Variants in FAM120B observed in about 807,000 individuals in gnomAD.
FAM120B encodes constitutive coactivator of peroxisome proliferator-activated receptor gamma.
Under a neutral mutation model 96.3 loss-of-function variants are expected in FAM120B, and 83 were observed. That is an observed-to-expected ratio of 0.86 (90% CI 0.72 to 1.03). The LOEUF is 1.03. Among genes scored for constraint, FAM120B ranks in the 50% least tolerant of loss-of-function variants. The probability of loss-of-function intolerance (pLI) is 0.00; values close to 1 mark genes in which losing one functional copy is unlikely to be tolerated. For missense variants in FAM120B, 1,027 were observed against 1,121.2 expected (o/e 0.92, Z 1.20); for synonymous variants, 407 against 402.7 (o/e 1.01, Z -0.13).
At chr6:170,320,458 A>T (rs933314984) in intron 2 of FAM120B, among the ~76,000 whole-genome samples, 1 of 152,258 alleles carries the variant, frequency 6.6e-6, no homozygotes, top group African/African-American at 2.4e-5. Flanking sequence ...AATTAGGAAA[A>T]TGGCAGTGGA....
At chr6:170,291,908 C>T (rs1026267264), upstream of FAM120B, among the ~76,000 whole-genome samples, 7 of 152,222 alleles carry the variant, frequency 4.6e-5, no homozygotes, top group Non-Finnish European at 1.0e-4. Context: ...CTCGGCCCCT[C>T]TCTCCCGGGT....
intron 4 of FAM120B, among the ~76,000 whole-genome samples, chr6:170,347,002 A>G (rs1787235731): frequency 1.3e-5 from 2 of 152,176 alleles, no homozygotes; most frequent in South Asian, 4.1e-4. Context: ...ATAATGAAAA[A>G]GCTTTTCAGG....
At chr6:170,353,203 T>C (rs1006123715) in intron 5 of FAM120B, among the ~76,000 whole-genome samples, 6 of 151,870 alleles carry the variant, frequency 4.0e-5, no homozygotes, top group African/African-American at 1.4e-4. Flanking sequence ...ATAGACCAAT[T>C]GAATCCCTGA....
chr6:170,323,538 G>A (rs1287971983), intron 3 of FAM120B, among the ~76,000 whole-genome samples: 1 of 152,144 alleles, frequency 6.6e-6, no homozygotes. Flanking sequence ...TGCCTTAAAA[G>A]GATTTTTGCT....
intron 4 of FAM120B, among the ~76,000 whole-genome samples, chr6:170,346,037 T>C (rs1254839901): frequency 1.3e-5 from 2 of 152,358 alleles, no homozygotes; most frequent in East Asian, 1.9e-4. Context: ...CATTTGTGTA[T>C]GTAAACATTC....
intron 4 of FAM120B, among the ~76,000 whole-genome samples, chr6:170,338,813 G>A (rs1035070185): frequency 2.4e-4 from 34 of 141,842 alleles, no homozygotes; most frequent in African/African-American, 7.1e-4. Context: ...GGATTAAAGT[G>A]TGTAGTATTA....
chr6:170,337,673 G>A (rs967343332), intron 4 of FAM120B, among the ~76,000 whole-genome samples: 4 of 151,906 alleles, frequency 2.6e-5, no homozygotes, highest in African/African-American at 9.7e-5. Context: ...GCTTTTTTTT[G>A]GTTGCTAGGC....
upstream of FAM120B, among the ~76,000 whole-genome samples, chr6:170,291,549 G>C (rs1004976391): frequency 1.3e-5 from 2 of 152,194 alleles, no homozygotes; most frequent in African/African-American, 4.8e-5. Context: ...GTGGCGATTC[G>C]GGGAGCATCG....
At chr6:170,305,848 G>C (rs1784262220), upstream of FAM120B, among the ~76,000 whole-genome samples, 3 of 152,188 alleles carry the variant, frequency 2.0e-5, no homozygotes, top group Admixed American at 2.0e-4. Flanking sequence ...AAGGGAGCAT[G>C]TCCTGAAGGT....
intron 2 of FAM120B, among the ~76,000 whole-genome samples, chr6:170,321,184 T>A (rs1785263572): frequency 6.6e-6 from 1 of 152,250 alleles, no homozygotes; most frequent in East Asian, 1.9e-4. Flanking sequence ...ACATTGCCCT[T>A]ACATTTTCTC....
intron 2 of FAM120B, among the ~76,000 whole-genome samples, chr6:170,319,608 C>T (rs945042574): frequency 3.9e-5 from 6 of 152,162 alleles, no homozygotes; most frequent in African/African-American, 1.4e-4. Context: ...GCGGAGGTTG[C>T]AGTGAGCTGA....
At chr6:170,352,646 A>T (rs951595757) in intron 5 of FAM120B, among the ~76,000 whole-genome samples, 4 of 152,218 alleles carry the variant, frequency 2.6e-5, no homozygotes, top group Non-Finnish European at 4.4e-5. Flanking sequence ...ACACAACTAC[A>T]TGGAAATTGA....
Position 170,318,834 on chromosome 6 carries a change from A to G in FAM120B, c.1444A>G (p.Arg482Gly). The G allele has an allele frequency of 3.1e-6, 5 of 1,614,266 alleles. No individual in the cohort carries two copies. Among genetic ancestry groups the G allele is most frequent in the Non-Finnish European group, 4.2e-6 (5 of 1,180,058 alleles). ...EVPMYTGPES[R>G]QEVLIRTDPE... ...TCCCATGTATACAGGCCCTGAATCCAGGCAAGAAGTTTTAATACGGACAGA... is the reference window on the plus strand; with the variant it reads ...TCCCATGTATACAGGCCCTGAATCCGGGCAAGAAGTTTTAATACGGACAGA... The change falls in exon 2 of 11, where the codon AGG becomes GGG. Residue 482 changes from arginine to glycine, a missense_variant. Physicochemically the swap from Arg to Gly is moderately radical, Grantham distance 125. Coordinates refer to ENST00000476287, the MANE Select transcript of FAM120B (RefSeq NM_032448.3).
rs772158658 is a variant in FAM120B at position 170,295,463 on chromosome 6, G to C, written c.48+10G>C. ...CGCAGGCAGGAAGGAGGTGAGCGCCGCCCGCGTGCACACAAGGCGCGCGGC... is the reference window on the plus strand; with the variant it reads ...CGCAGGCAGGAAGGAGGTGAGCGCCCCCCGCGTGCACACAAGGCGCGCGGC... On this transcript the variant is annotated intron_variant, in intron 1 of 10. Transcript: ENST00000537664. This position sits in a 1 kb window ranked among gnomAD's most constrained non-coding sequence, Gnocchi z 7.8. The C allele has an allele frequency of 1.1e-5, 8 of 700,016 alleles. No homozygotes were observed. The highest frequency in any genetic ancestry group is 1.0e-4 in the South Asian group (7 of 67,230). 43.4% of individuals were successfully genotyped at this position (700,016 alleles called of 1,614,324 possible).
intron 1 of FAM120B, among the ~76,000 whole-genome samples, chr6:170,314,560 T>C (rs1372890466): frequency 1.3e-5 from 2 of 152,242 alleles, no homozygotes; most frequent in Admixed American, 6.5e-5. Context: ...AAATTTCTTA[T>C]ATAATTTGCA....
At position 170,361,200 on chromosome 6, in the gene FAM120B, A is replaced by G. The variant is rs1262658822; in HGVS notation, c.2283+2882A>G. Among the ~76,000 whole-genome samples, 826 of 47,670 alleles carry G rather than the reference A, an allele frequency of 0.017. 23 individuals carry two copies. In the East Asian group the frequency reaches 0.29, roughly 17 times the overall value. 31.3% of individuals were successfully genotyped at this position (47,670 alleles called of 152,430 possible). On this transcript the variant is annotated intron_variant, in intron 6 of 10. Transcript: ENST00000476287. ...CTTAAAACTATATATATATACGTGT[A>G]TATATATATATATATATATATATAT...
intron 4 of FAM120B, among the ~76,000 whole-genome samples, chr6:170,338,995 C>G (rs919631235): frequency 3.3e-5 from 5 of 152,038 alleles, no homozygotes; most frequent in Admixed American, 3.3e-4. Context: ...CAGTCTGTGT[C>G]TTTTAATTGG....
intron 4 of FAM120B, among the ~76,000 whole-genome samples, chr6:170,345,241 C>G (rs762344593): frequency 1.7e-4 from 26 of 152,232 alleles, no homozygotes; most frequent in Middle Eastern, 3.4e-3. Flanking sequence ...CCCAATGTTC[C>G]CACCAGTCTC....
Position 170,295,569 on chromosome 6 carries a change from G to A in FAM120B, c.48+116G>A. On this transcript the variant is annotated intron_variant, in intron 1 of 10. Transcript: ENST00000537664. The surrounding 1 kb of genome is among the most constrained non-coding windows in gnomAD (Gnocchi z 7.8). ...CTCTGCGCGAAGGTGGGCGACGGTG[G>A]GGGCACAAGAACAGCAGCCGGGGGC... 2 of 570,850 alleles carry A rather than the reference G, an allele frequency of 3.5e-6. No individual in the cohort carries two copies. The highest frequency in any genetic ancestry group is 3.4e-5 in the Admixed American group (1 of 29,496). The allele number at this position is 570,850 out of a possible 1,614,324, so 35.4% of individuals were successfully genotyped here. A position where few individuals can be genotyped will look rare whatever the true frequency, so the allele number is the denominator to read the frequency against.
Sources: allele counts gnomAD v4.1 joint callset (sites outside exome capture counted in the v4.1 genomes callset), GRCh38; gene constraint gnomAD v4.1.1; non-coding constraint Gnocchi (gnomAD v3.1); transcripts MANE v1.5; gene names NCBI Gene and HGNC (gene_info 2026-07-23, HGNC 2026-07-21).